The following RTL4 variants were observed in gnomAD, a reference collection of about 807,000 sequenced individuals.
RTL4 encodes retrotransposon Gag like 4.
A neutral mutation model predicts 5.3 loss-of-function variants in RTL4; 4 were observed. The ratio of observed to expected loss-of-function variants is 0.75; its 90% CI spans 0.37 to 1.72. RTL4 has a LOEUF of 1.72. Ranked by LOEUF, RTL4 falls within the 40% of genes most tolerant of loss-of-function variation. The probability of loss-of-function intolerance (pLI) is 0.04; values close to 1 mark genes in which losing one functional copy is unlikely to be tolerated. For missense variants in RTL4, 260 were observed against 227.1 expected (o/e 1.14, Z -0.93); for synonymous variants, 98 against 87.3 (o/e 1.12, Z -0.68).
chrX:112,331,266 A>C, the RTL4 span, among the ~76,000 whole-genome samples: 4 of 108,116 alleles, frequency 3.7e-5, no homozygotes, highest in Admixed American at 1.0e-4. Context: ...CAACTGACAA[A>C]GGGCTAATAT....
chrX:112,416,179 A>C, the RTL4 span, among the ~76,000 whole-genome samples: 2 of 111,294 alleles, frequency 1.8e-5, no homozygotes, highest in Non-Finnish European at 3.8e-5. Context: ...TTGTCTGTGC[A>C]TATGTCTCTT....
At chrX:112,164,022 A>T in the RTL4 span, among the ~76,000 whole-genome samples, 2 of 112,169 alleles carry the variant, frequency 1.8e-5, no homozygotes, top group African/African-American at 6.5e-5. Flanking sequence ...TGCAACCTCA[A>T]CTATTCCATC....
At chrX:112,093,772 AAGTT>A in the RTL4 span, among the ~76,000 whole-genome samples, 1 of 112,402 alleles carries the variant, frequency 8.9e-6, no homozygotes, top group Non-Finnish European at 1.9e-5. Context: ...TAATGAGTAA[AAGTT>A]AGCCAGGTAG....
chrX:112,368,568 G>T, the RTL4 span, among the ~76,000 whole-genome samples: 1 of 111,251 alleles, frequency 9.0e-6, no homozygotes, highest in African/African-American at 3.3e-5. Context: ...ACTTCTGGGA[G>T]GGGGTTACTG....
At chrX:112,430,129 G>T in the RTL4 span, among the ~76,000 whole-genome samples, 1 of 111,171 alleles carries the variant, frequency 9.0e-6, no homozygotes, top group Non-Finnish European at 1.9e-5. Flanking sequence ...TTCAAATGTT[G>T]CATTTGTTCT....
chrX:112,334,387 T>C, the RTL4 span, among the ~76,000 whole-genome samples: 5 of 111,839 alleles, frequency 4.5e-5, no homozygotes, highest in East Asian at 1.1e-3. Context: ...CTGTTATCCG[T>C]AGTGGTTGTA....
chrX:112,298,063 C>T, the RTL4 span, among the ~76,000 whole-genome samples: 2 of 111,475 alleles, frequency 1.8e-5, no homozygotes, highest in South Asian at 3.8e-4. Flanking sequence ...CATAGTGGAG[C>T]GATTCAGAAT....
the RTL4 span, among the ~76,000 whole-genome samples, chrX:112,092,239 T>A: frequency 8.9e-6 from 1 of 111,978 alleles, no homozygotes; most frequent in Admixed American, 9.5e-5. Flanking sequence ...AATAACTTAC[T>A]TCTGCCATGT....
chrX:112,455,992 A>T (rs917297405), exon 1 of RTL4: 1 of 291,656 alleles, frequency 3.4e-6, no homozygotes, highest in Non-Finnish European at 6.2e-6. Flanking sequence ...CCTTATCCTG[A>T]CCAATGGGTG....
At chrX:112,109,499 GAGAGTGCTGATTGGTCCATTTTAC>G in the RTL4 span, among the ~76,000 whole-genome samples, 1 of 111,509 alleles carries the variant, frequency 9.0e-6, no homozygotes, top group Non-Finnish European at 1.9e-5. Context: ...TCCATTTTAA[GAGAGTGCTGATTGGTCCATTTTAC>G]AGAGTGCTGA....
the RTL4 span, among the ~76,000 whole-genome samples, chrX:112,341,872 T>C: frequency 9.0e-6 from 1 of 111,370 alleles, no homozygotes; most frequent in African/African-American, 3.3e-5. Context: ...TCTATGTAAG[T>C]AATGTTTCTT....
the RTL4 span, among the ~76,000 whole-genome samples, chrX:112,288,059 CAACAACTG>C: frequency 8.9e-6 from 1 of 111,824 alleles, no homozygotes; most frequent in African/African-American, 3.3e-5. Context: ...ATTCAGAGGA[CAACAACTG>C]TTGCTCTTGG....
the RTL4 span, among the ~76,000 whole-genome samples, chrX:112,389,218 A>G: frequency 9.3e-6 from 1 of 107,329 alleles, no homozygotes; most frequent in African/African-American, 3.4e-5. Flanking sequence ...TGCATAGTTT[A>G]TTTCTGTGGG....
At chrX:112,091,271 A>G in the RTL4 span, among the ~76,000 whole-genome samples, 1 of 111,626 alleles carries the variant, frequency 9.0e-6, no homozygotes, top group Middle Eastern at 4.8e-3. Context: ...CATAATTACT[A>G]CTTTCTACCT....
At chrX:112,105,124 T>C in the RTL4 span, among the ~76,000 whole-genome samples, 12 of 111,903 alleles carry the variant, frequency 1.1e-4, no homozygotes, top group African/African-American at 3.9e-4. Context: ...TCCAGTTTTC[T>C]CATCATAATT....
the RTL4 span, among the ~76,000 whole-genome samples, chrX:112,231,523 A>G: frequency 3.2e-3 from 299 of 94,903 alleles, 1 homozygote; most frequent in African/African-American, 0.011. Flanking sequence ...TTGAACAATG[A>G]GAACACATGG....
the RTL4 span, among the ~76,000 whole-genome samples, chrX:112,376,821 T>C: frequency 8.9e-6 from 1 of 112,444 alleles, no homozygotes; most frequent in Non-Finnish European, 1.9e-5. Flanking sequence ...TTGCATTCGG[T>C]TGAACACAGA....
At chrX:112,349,195 C>G in the RTL4 span, among the ~76,000 whole-genome samples, 7 of 110,996 alleles carry the variant, frequency 6.3e-5, no homozygotes, top group South Asian at 3.8e-4. Context: ...GACTATATAA[C>G]GGGTTCTGAC....
the RTL4 span, among the ~76,000 whole-genome samples, chrX:112,353,638 A>C: frequency 9.1e-6 from 1 of 110,249 alleles, no homozygotes; most frequent in Non-Finnish European, 1.9e-5. Flanking sequence ...AACAATGAGA[A>C]CACATGGACA....
Sources: allele counts gnomAD v4.1 joint callset (sites outside exome capture counted in the v4.1 genomes callset), GRCh38; gene constraint gnomAD v4.1.1; transcripts MANE v1.5; gene names NCBI Gene and HGNC (gene_info 2026-07-23, HGNC 2026-07-21).